Variants in CCDC192 observed in about 807,000 individuals in gnomAD.
The protein encoded by CCDC192 is coiled-coil domain containing 192.
chr5:127,719,888 C>G (rs1238076176), intron 2 of CCDC192, among the ~76,000 whole-genome samples: 2 of 151,150 alleles, frequency 1.3e-5, no homozygotes, highest in African/African-American at 4.9e-5. Flanking sequence ...AACTCACTTA[C>G]TATCATGAGA....
At chr5:127,909,893 C>T (rs1299847108) in intron 6 of CCDC192, among the ~76,000 whole-genome samples, 1 of 152,126 alleles carries the variant, frequency 6.6e-6, no homozygotes, top group Non-Finnish European at 1.5e-5. Flanking sequence ...TCTACAATGG[C>T]TTTTATTGCC....
intron 6 of CCDC192, among the ~76,000 whole-genome samples, chr5:127,937,773 G>T (rs1580846095): frequency 6.6e-6 from 1 of 152,186 alleles, no homozygotes; most frequent in South Asian, 2.1e-4. Context: ...CCGCATTTTT[G>T]CTGCTGTATC....
At chr5:127,811,513 T>G (rs80303191) in intron 5 of CCDC192, among the ~76,000 whole-genome samples, 1 of 152,176 alleles carries the variant, frequency 6.6e-6, no homozygotes, top group African/African-American at 2.4e-5. Flanking sequence ...CAGAAATGCT[T>G]AGACAGAAAT....
chr5:127,854,088 C>T (rs1312034017), intron 5 of CCDC192, among the ~76,000 whole-genome samples: 1 of 152,192 alleles, frequency 6.6e-6, no homozygotes, highest in Non-Finnish European at 1.5e-5. Flanking sequence ...AAACACTATT[C>T]CTTTGGGTTC....
chr5:127,747,069 CT>C (rs34542436), intron 2 of CCDC192, among the ~76,000 whole-genome samples: 13,670 of 142,274 alleles, frequency 0.096, 913 homozygotes, highest in East Asian at 0.28. Flanking sequence ...GCAGTTCATT[CT>C]TTTTTTTTTT....
At chr5:127,907,555 GT>G (rs1753234234) in intron 6 of CCDC192, among the ~76,000 whole-genome samples, 1 of 151,998 alleles carries the variant, frequency 6.6e-6, no homozygotes. Flanking sequence ...TCTATTCAAA[GT>G]TTTGCTTTTA....
chr5:127,897,907 T>A (rs1197453608), intron 6 of CCDC192, among the ~76,000 whole-genome samples: 1 of 152,216 alleles, frequency 6.6e-6, no homozygotes, highest in Non-Finnish European at 1.5e-5. Flanking sequence ...ATTCATTAAT[T>A]AAGACTCTCC....
intron 5 of CCDC192, among the ~76,000 whole-genome samples, chr5:127,851,538 A>C (rs1187633651): frequency 2.0e-5 from 3 of 151,872 alleles, no homozygotes; most frequent in African/African-American, 7.3e-5. Context: ...GCTCACTGCA[A>C]CCTCCACCTC....
At chr5:127,838,848 TG>T (rs1416432503) in intron 5 of CCDC192, among the ~76,000 whole-genome samples, 1 of 152,182 alleles carries the variant, frequency 6.6e-6, no homozygotes, top group Non-Finnish European at 1.5e-5. Flanking sequence ...TGTACTTCAG[TG>T]GTGTGACCAG....
At chr5:127,733,090 G>C (rs1320927047) in intron 2 of CCDC192, among the ~76,000 whole-genome samples, 1 of 152,174 alleles carries the variant, frequency 6.6e-6, no homozygotes, top group Non-Finnish European at 1.5e-5. Context: ...TGGCAGGGGA[G>C]GATGCAAGGC....
intron 2 of CCDC192, among the ~76,000 whole-genome samples, chr5:127,723,178 G>C (rs1324121108): frequency 2.0e-5 from 3 of 151,830 alleles, no homozygotes; most frequent in Non-Finnish European, 4.4e-5. Context: ...TCATTTATTT[G>C]GCTAAGTTTA....
intron 5 of CCDC192, among the ~76,000 whole-genome samples, chr5:127,830,747 T>C (rs1262522844): frequency 6.7e-6 from 1 of 149,680 alleles, no homozygotes; most frequent in Non-Finnish European, 1.5e-5. Context: ...TCAAGAACAA[T>C]GCTAAAGGTT....
chr5:127,922,639 G>A lies in CCDC192; in HGVS notation c.536-18543G>A, dbSNP rs572291324. ...ACTTGTAGTCCCAGCTACCCAGGAG[G>A]CTGAAGTACGAGGATCACTTGAGCC... On this transcript the variant is annotated intron_variant, in intron 6 of 6. Coordinates refer to ENST00000514853, the MANE Select transcript of CCDC192 (RefSeq NM_001317938.2). Among the ~76,000 whole-genome samples the A allele has an allele frequency of 2.6e-5, 4 of 152,340 alleles. No homozygotes were observed. In the East Asian group the frequency reaches 5.8e-4, roughly 22 times the overall value.
intron 5 of CCDC192, among the ~76,000 whole-genome samples, chr5:127,800,402 C>CAAAA (rs772597286): frequency 1.1e-4 from 10 of 88,322 alleles, no homozygotes; most frequent in South Asian, 4.0e-4. Flanking sequence ...AAAAAAAAAA[C>CAAAA]AACAACAACA....
intron 6 of CCDC192, among the ~76,000 whole-genome samples, chr5:127,893,636 T>C (rs1361759015): frequency 2.6e-5 from 4 of 152,230 alleles, no homozygotes; most frequent in African/African-American, 9.6e-5. Context: ...TGGAACTTAC[T>C]AACTTGTCCA....
At chr5:127,843,562 C>T (rs567622943) in intron 5 of CCDC192, among the ~76,000 whole-genome samples, 19 of 152,012 alleles carry the variant, frequency 1.2e-4, no homozygotes, top group African/African-American at 4.3e-4. Context: ...CTCAGCCTCC[C>T]GAGTAGCTGG....
chr5:127,855,519 G>C (rs1751025605), intron 5 of CCDC192, among the ~76,000 whole-genome samples: 1 of 152,170 alleles, frequency 6.6e-6, no homozygotes, highest in Admixed American at 6.5e-5. Context: ...TGCTAATGTT[G>C]ATATTTTGAC....
At chr5:127,734,880 C>G (rs1340719004) in intron 2 of CCDC192, among the ~76,000 whole-genome samples, 1 of 151,644 alleles carries the variant, frequency 6.6e-6, no homozygotes, top group African/African-American at 2.4e-5. Flanking sequence ...TGTAGGTTGC[C>G]TGTTCACTCT....
intron 6 of CCDC192, among the ~76,000 whole-genome samples, chr5:127,930,607 T>C (rs1261040148): frequency 2.0e-5 from 3 of 152,212 alleles, no homozygotes; most frequent in African/African-American, 7.2e-5. Flanking sequence ...ATAACTCAGG[T>C]ACATGGTTAT....
Sources: gnomAD v4.1 joint callset for allele counts (sites outside exome capture counted in the v4.1 genomes callset) on GRCh38, gnomAD v4.1.1 for gene constraint, MANE v1.5 for transcripts, NCBI Gene and HGNC (gene_info 2026-07-23, HGNC 2026-07-21) for gene names.